Variants in PLD5 observed in about 807,000 individuals in gnomAD.
PLD5 encodes the protein inactive phospholipase D5.
A neutral mutation model predicts 61.1 loss-of-function variants in PLD5; 36 were observed. The ratio of observed to expected loss-of-function variants is 0.59; its 90% confidence interval spans 0.45 to 0.78. The LOEUF (loss-of-function observed/expected upper bound fraction) is 0.78, where lower values mean the gene tolerates loss of function less well. Among genes scored for constraint, PLD5 ranks in the 30% least tolerant of loss-of-function variants. The pLI is 0.00. For synonymous variants in PLD5, 243 were observed against 242.8 expected (o/e 1.00, Z -0.01); for missense variants, 515 against 644.4 (o/e 0.80, Z 2.17).
At chr1:242,350,735 C>A (rs2149223367) in intron 1 of PLD5, among the ~76,000 whole-genome samples, 1 of 152,108 alleles carries the variant, frequency 6.6e-6, no homozygotes, top group East Asian at 1.9e-4. Context: ...CTCCTTCAGG[C>A]CTCATCTCCT....
chr1:242,354,277 T>A (rs148659625), intron 1 of PLD5, among the ~76,000 whole-genome samples: 3,230 of 152,240 alleles, frequency 0.021, 51 homozygotes, highest in East Asian at 0.033. Flanking sequence ...AGTTATGGCC[T>A]TTTTCCTAGA....
At chr1:242,369,901 T>G (rs1192750997) in intron 1 of PLD5, among the ~76,000 whole-genome samples, 2 of 152,140 alleles carry the variant, frequency 1.3e-5, no homozygotes, top group Non-Finnish European at 2.9e-5. Context: ...TATCCCAAGT[T>G]TCACAAATTA....
At chr1:242,332,907 T>C (rs1574749786) in intron 2 of PLD5, among the ~76,000 whole-genome samples, 1 of 152,150 alleles carries the variant, frequency 6.6e-6, no homozygotes, top group African/African-American at 2.4e-5. Flanking sequence ...CTCTGGGCAG[T>C]GTGGTAACAC....
chr1:242,168,959 C>T (rs1666542130), intron 5 of PLD5, among the ~76,000 whole-genome samples: 1 of 148,086 alleles, frequency 6.8e-6, no homozygotes, highest in African/African-American at 2.5e-5. Flanking sequence ...AGAGAGAAGG[C>T]CCTAATAAAT....
chr1:242,182,917 A>G (rs929133345), intron 5 of PLD5, among the ~76,000 whole-genome samples: 1 of 152,228 alleles, frequency 6.6e-6, no homozygotes, highest in African/African-American at 2.4e-5. Flanking sequence ...GGAATGGTGG[A>G]GGTTTGAGTT....
At chr1:242,125,179 G>A (rs959457499) in intron 5 of PLD5, among the ~76,000 whole-genome samples, 4 of 152,148 alleles carry the variant, frequency 2.6e-5, no homozygotes, top group African/African-American at 9.7e-5. Context: ...CCGTAAAATA[G>A]AGATAATAGT....
intron 1 of PLD5, among the ~76,000 whole-genome samples, chr1:242,479,661 T>C (rs1667706718): frequency 6.6e-6 from 1 of 152,098 alleles, no homozygotes; most frequent in Non-Finnish European, 1.5e-5. Flanking sequence ...TTGGTAGAAA[T>C]TAACATGCTG....
chr1:242,378,979 T>C (rs764368954), intron 1 of PLD5, among the ~76,000 whole-genome samples: 4 of 152,206 alleles, frequency 2.6e-5, no homozygotes, highest in African/African-American at 4.8e-5. Context: ...AAAGCCTTTC[T>C]CTGAGCCCCT....
In PLD5 at chr1:242,322,663, C is replaced by G. The variant is rs565690199; in HGVS notation, c.326+25443G>C. Among the ~76,000 whole-genome samples the G allele has an allele frequency of 3.0e-4, 45 of 152,272 alleles. 1 individual carries two copies. In the South Asian group the frequency reaches 9.3e-3, roughly 32 times the overall value. On this transcript the variant is annotated intron_variant, in intron 2 of 9. Transcript: ENST00000536534. ...CTGTTCCCATGATAGTGAGTGAGTT[C>G]TCACAAGATCTGATAGTTTAAAAGT...
intron 1 of PLD5, among the ~76,000 whole-genome samples, chr1:242,392,369 C>G (rs1662982897): frequency 6.6e-6 from 1 of 152,226 alleles, no homozygotes; most frequent in African/African-American, 2.4e-5. Context: ...CTCTATACTC[C>G]CTGGTCACCA....
Position 242,172,655 on chromosome 1 carries a change from G to C in PLD5, c.735+47333C>G, listed in dbSNP as rs1284499361. On this transcript the variant is annotated intron_variant, in intron 5 of 9. Transcript: ENST00000536534. Reference sequence around the variant, plus strand: ...AGCCAAACAAATAAACAAGAAAATAGAGAAGAATCAAATAGACACAAGAAA... The same window carrying C: ...AGCCAAACAAATAAACAAGAAAATACAGAAGAATCAAATAGACACAAGAAA... 5.3e-5 allele frequency among the ~76,000 whole-genome samples: 8 copies of C among 152,048 alleles called. 1 individual carries two copies. The highest frequency in any genetic ancestry group is 8.8e-5 in the Non-Finnish European group (6 of 68,026).
rs117493441 is a variant in PLD5, at chr1:242,196,093, T to C, written c.735+23895A>G. On this transcript the variant is annotated intron_variant, in intron 5 of 9. Coordinates refer to ENST00000536534, the MANE Select transcript of PLD5 (RefSeq NM_001372062.1). ...ACTATTTTTGTCGATATTGGTTTGG[T>C]TTGGGGTGAGGATTGGTAAAAGGCA... Among the ~76,000 whole-genome samples, 965 of 152,274 alleles carry C rather than the reference T, an allele frequency of 6.3e-3. 14 individuals are homozygous for C. The East Asian group carries it at 0.074, about 12-fold the overall frequency.
chr1:242,293,974 A>G (rs1181542524), intron 2 of PLD5, among the ~76,000 whole-genome samples: 1 of 152,254 alleles, frequency 6.6e-6, no homozygotes, highest in Non-Finnish European at 1.5e-5. Flanking sequence ...TCTAATTAGC[A>G]TAGAAGCAGA....
chr1:242,371,186 T>C (rs1048666554), intron 1 of PLD5, among the ~76,000 whole-genome samples: 14 of 152,086 alleles, frequency 9.2e-5, no homozygotes, highest in Non-Finnish European at 1.3e-4. Context: ...TAGTGTTCAG[T>C]TTCTCCTTAT....
At chr1:242,229,899 A>T (rs1416044924) in intron 4 of PLD5, among the ~76,000 whole-genome samples, 1 of 141,388 alleles carries the variant, frequency 7.1e-6, no homozygotes, top group African/African-American at 2.6e-5. Context: ...CCTCTAAAAA[A>T]ATATTGATAA....
At chr1:242,508,937 C>G (rs1668816419) in intron 1 of PLD5, among the ~76,000 whole-genome samples, 1 of 151,980 alleles carries the variant, frequency 6.6e-6, no homozygotes, top group Non-Finnish European at 1.5e-5. Flanking sequence ...AAAAATTAGC[C>G]AGGCATGGTG....
At chr1:242,286,295 G>A (rs2055443) in intron 3 of PLD5, among the ~76,000 whole-genome samples, 135,657 of 151,936 alleles carry the variant, frequency 0.89, 60,681 homozygotes, top group East Asian at 0.94. Flanking sequence ...GAAGGAGTGA[G>A]GGATGTGCCA....
intron 1 of PLD5, among the ~76,000 whole-genome samples, chr1:242,446,033 G>A (rs536634299): frequency 6.6e-6 from 1 of 151,518 alleles, no homozygotes; most frequent in African/African-American, 2.4e-5. Flanking sequence ...TAATCTTCAC[G>A]ATGACCCAAT....
At chr1:242,273,030 A>T (rs1255510454) in intron 3 of PLD5, among the ~76,000 whole-genome samples, 1 of 152,046 alleles carries the variant, frequency 6.6e-6, no homozygotes, top group Non-Finnish European at 1.5e-5. Context: ...TCTGGGTTTT[A>T]AGGCCGGCAT....
Sources: allele counts gnomAD v4.1 joint callset (sites outside exome capture counted in the v4.1 genomes callset), GRCh38; gene constraint gnomAD v4.1.1; transcripts MANE v1.5; gene names NCBI Gene and HGNC (gene_info 2026-07-23, HGNC 2026-07-21).